B3GNT5: variants seen among roughly 807,000 people sequenced by gnomAD.
B3GNT5 encodes the protein UDP-GlcNAc:betaGal beta-1,3-N-acetylglucosaminyltransferase 5.
In B3GNT5, 11 loss-of-function variants were observed where a neutral mutation model predicts 25.9. That is an observed-to-expected ratio of 0.42 (90% CI 0.27 to 0.70). The LOEUF (loss-of-function observed/expected upper bound fraction) is 0.70, where lower values mean the gene tolerates loss of function less well. Among genes scored for constraint, B3GNT5 ranks in the 30% least tolerant of loss-of-function variants. The probability of loss-of-function intolerance (pLI) is 0.23; values close to 1 mark genes in which losing one functional copy is unlikely to be tolerated. For synonymous variants in B3GNT5, 166 were observed against 158.6 expected (o/e 1.05, Z -0.35); for missense variants, 385 against 458.4 (o/e 0.84, Z 1.46).
rs1726826079 is a variant in B3GNT5 at position 183,272,054 on chromosome 3, G to C, written c.*1119G>C. ...AACAATTTATTTTTCATCAATAACT[G>C]TCAGAGGTGATCTTTATTTTCTAAA... is the stretch of plus-strand genomic sequence containing the variant. On this transcript the variant is annotated 3_prime_UTR_variant, in exon 2 of 2. Transcript: ENST00000326505. The C allele has an allele frequency of 4.9e-6, 3 of 613,838 alleles. No individual in the cohort carries two copies. The South Asian group carries it at 2.2e-4, about 46-fold the overall frequency. 38.0% of individuals were successfully genotyped at this position (613,838 alleles called of 1,614,324 possible).
chr3:183,271,976 CAAGTTCAGAGTTTT>C lies in B3GNT5; in HGVS notation c.*1044_*1057del. 1 of 260,548 alleles carries C rather than the reference CAAGTTCAGAGTTTT, an allele frequency of 3.8e-6. No homozygotes were observed. Among genetic ancestry groups the C allele is most frequent in the African/African-American group, 2.3e-5 (1 of 43,292 alleles). The allele number at this position is 260,548 out of a possible 1,614,324, so 16.1% of individuals were successfully genotyped here. A position where few individuals can be genotyped will look rare whatever the true frequency, so the allele number is the denominator to read the frequency against. The stretch of plus-strand genomic sequence containing the variant: ...TCTTATAAACCACAGCACTTTGTTC[CAAGTTCAGAGTTTT>C]AAATTGAGAGCATTAAACATCAAAG... On this transcript the variant is annotated 3_prime_UTR_variant, in exon 2 of 2. Transcript: ENST00000326505.
chr3:183,265,768 G>A (rs1726056436), intron 1 of B3GNT5, among the ~76,000 whole-genome samples: 1 of 152,152 alleles, frequency 6.6e-6, no homozygotes, highest in East Asian at 1.9e-4. Flanking sequence ...AAGTATTGAG[G>A]AGTTTTACCT....
chr3:183,254,133 A>G (rs1400838052), intron 1 of B3GNT5: 1 of 151,500 alleles, frequency 6.6e-6, no homozygotes, highest in Non-Finnish European at 1.5e-5. Flanking sequence ...GGAGGCTCCG[A>G]GTCTGCCCAC....
In B3GNT5 at chr3:183,267,417, A is replaced by G. The variant is rs1421637078; in HGVS notation, c.-301-2081A>G. 6.6e-6 allele frequency among the ~76,000 whole-genome samples: 1 copy of G among 152,198 alleles called. No homozygotes were observed. Among genetic ancestry groups the G allele is most frequent in the Non-Finnish European group, 1.5e-5 (1 of 68,036 alleles). On this transcript the variant is annotated intron_variant, in intron 1 of 1. Transcript: ENST00000326505. This position sits in a 1 kb window ranked among gnomAD's most constrained non-coding sequence, Gnocchi z 5.5. The stretch of plus-strand genomic sequence containing the variant: ...TGTGGAGTGATCATGGGGGTGGGAA[A>G]TATAGCTGGATCCGAAAGCTCTGAA...
chr3:183,272,446 T>C lies in B3GNT5; in HGVS notation c.*1511T>C. On this transcript the variant is annotated 3_prime_UTR_variant, in exon 2 of 2. Coordinates refer to ENST00000326505, the MANE Select transcript of B3GNT5 (RefSeq NM_032047.5). ...ACACGCAAAACAAAACGAAAAAAGA[T>C]TTCTCAGTATACACAACTGAATGAT... 1.0e-6 allele frequency: 1 copy of C among 1,000,154 alleles called. No homozygotes were observed. The highest frequency in any genetic ancestry group is 1.2e-6 in the Non-Finnish European group (1 of 829,984). The allele number at this position is 1,000,154 out of a possible 1,614,324, so 62.0% of individuals were successfully genotyped here.
intron 1 of B3GNT5, among the ~76,000 whole-genome samples, chr3:183,255,863 G>A (rs1468293057): frequency 6.6e-6 from 1 of 151,690 alleles, no homozygotes; most frequent in East Asian, 1.9e-4. Flanking sequence ...AGAACAGCTT[G>A]AATAATAACT....
Position 183,272,585 on chromosome 3 carries a change from T to C in B3GNT5, c.*1650T>C. On this transcript the variant is annotated 3_prime_UTR_variant, in exon 2 of 2. Transcript: ENST00000326505. ...GCTTAGATAATTTAGAATTTTTAAC[T>C]AATGTCAAAACTACAGTGTCAAACA... The C allele has an allele frequency of 1.0e-6, 1 of 992,752 alleles. No individual in the cohort carries two copies. The highest frequency in any genetic ancestry group is 4.7e-5 in the South Asian group (1 of 21,136). 61.5% of individuals were successfully genotyped at this position (992,752 alleles called of 1,614,324 possible). A position where few individuals can be genotyped will look rare whatever the true frequency, so the allele number is the denominator to read the frequency against.
In B3GNT5 at chr3:183,267,274, C is replaced by G. The variant is rs1726242672; in HGVS notation, c.-301-2224C>G. Reference sequence around the variant, plus strand: ...TGCGTGCAGTTTTCAAATCAATGCCCTTGGCGATAAAGTGTGCCCTATACT... The same window carrying G: ...TGCGTGCAGTTTTCAAATCAATGCCGTTGGCGATAAAGTGTGCCCTATACT... On this transcript the variant is annotated intron_variant, in intron 1 of 1. Coordinates refer to ENST00000326505, the MANE Select transcript of B3GNT5 (RefSeq NM_032047.5). The surrounding 1 kb of genome is among the most constrained non-coding windows in gnomAD (Gnocchi z 5.5). 6.6e-6 allele frequency among the ~76,000 whole-genome samples: 1 copy of G among 152,202 alleles called. No homozygotes were observed. Among genetic ancestry groups the G allele is most frequent in the Non-Finnish European group, 1.5e-5 (1 of 68,034 alleles).
At chr3:183,262,760 C>T (rs1725738151) in intron 1 of B3GNT5, among the ~76,000 whole-genome samples, 1 of 151,920 alleles carries the variant, frequency 6.6e-6, no homozygotes, top group African/African-American at 2.4e-5. Flanking sequence ...AGCATGGCCG[C>T]TGAAGAGACT....
In B3GNT5 at chr3:183,270,509, C is replaced by G; in HGVS notation, c.711C>G (p.Tyr237Ter). Residue 237 changes from tyrosine to a stop codon, truncating the protein, a stop_gained, in exon 2 of 2, where the codon TAC becomes TAG. Coordinates refer to ENST00000326505, the MANE Select transcript of B3GNT5 (RefSeq NM_032047.5). LOFTEE classifies it high-confidence loss of function. The surrounding 1 kb of genome is among the most constrained non-coding windows in gnomAD (Gnocchi z 4.5). ...APPIRDKSSK[Y>*]YVSYEMYQWP... ...CCATTAGAGATAAAAGCAGCAAATA[C>G]TACGTGTCCTATGAAATGTACCAGT... 1 of 1,614,164 alleles carries G rather than the reference C, an allele frequency of 6.2e-7. No homozygotes were observed. The highest frequency in any genetic ancestry group is 8.5e-7 in the Non-Finnish European group (1 of 1,180,016).
chr3:183,272,378 T>C lies in B3GNT5; in HGVS notation c.*1443T>C. On this transcript the variant is annotated 3_prime_UTR_variant, in exon 2 of 2. Transcript: ENST00000326505. ...AGGCCTTTGACTGCAGAGGCACCTG[T>C]TAGGGAAAATCAGATGTCTCATATA... 1.0e-6 allele frequency: 1 copy of C among 1,000,244 alleles called. No homozygotes were observed. Among genetic ancestry groups the C allele is most frequent in the East Asian group, 1.1e-4 (1 of 8,822 alleles). The allele number at this position is 1,000,244 out of a possible 1,614,324, so 62.0% of individuals were successfully genotyped here. A position where few individuals can be genotyped will look rare whatever the true frequency, so the allele number is the denominator to read the frequency against.
chr3:183,262,187 ACAC>A (rs1725665660), intron 1 of B3GNT5, among the ~76,000 whole-genome samples: 1 of 150,788 alleles, frequency 6.6e-6, no homozygotes, highest in African/African-American at 2.5e-5. Flanking sequence ...TTTATTATAT[ACAC>A]TAAGGGTTAG....
chr3:183,268,483 C>G (rs1403522450), intron 1 of B3GNT5, among the ~76,000 whole-genome samples: 1 of 150,830 alleles, frequency 6.6e-6, no homozygotes, highest in Non-Finnish European at 1.5e-5. Flanking sequence ...CAGGATTAAA[C>G]ATTTAAATAA....
chr3:183,267,478 A>G lies in B3GNT5; in HGVS notation c.-301-2020A>G, dbSNP rs1726265731. The stretch of plus-strand genomic sequence containing the variant: ...AGGTGTCACAGCTGAGGCTAGGCCC[A>G]TTCTGCAGGGCACTCAGTGTGTACA... On this transcript the variant is annotated intron_variant, in intron 1 of 1. Transcript: ENST00000326505. The surrounding 1 kb of genome is among the most constrained non-coding windows in gnomAD (Gnocchi z 5.5). 6.6e-6 allele frequency among the ~76,000 whole-genome samples: 1 copy of G among 152,226 alleles called. No individual in the cohort carries two copies. Among genetic ancestry groups the G allele is most frequent in the South Asian group, 2.1e-4 (1 of 4,828 alleles).
intron 1 of B3GNT5, among the ~76,000 whole-genome samples, chr3:183,256,013 G>GT (rs1217754786): frequency 2.0e-5 from 3 of 152,164 alleles, no homozygotes; most frequent in Non-Finnish European, 4.4e-5. Context: ...AACACAGGAG[G>GT]TATCAGGAAG....
chr3:183,267,878 G>A lies in B3GNT5; in HGVS notation c.-301-1620G>A, dbSNP rs1402468994. Among the ~76,000 whole-genome samples the A allele has an allele frequency of 1.3e-5, 2 of 152,170 alleles. No individual in the cohort carries two copies. The highest frequency in any genetic ancestry group is 2.4e-5 in the African/African-American group (1 of 41,436). ...CAGTAACCATCACTTTGAGTAAACA[G>A]TGGCTCCACCCCCGGCATGGTTCTT... On this transcript the variant is annotated intron_variant, in intron 1 of 1. Coordinates refer to ENST00000326505, the MANE Select transcript of B3GNT5 (RefSeq NM_032047.5). The surrounding 1 kb of genome is among the most constrained non-coding windows in gnomAD (Gnocchi z 5.5).
At position 183,270,695 on chromosome 3, in the gene B3GNT5, C is replaced by T. The variant is rs1323258276; in HGVS notation, c.897C>T (p.Asp299=). 1.2e-6 allele frequency: 2 copies of T among 1,613,836 alleles called. No individual in the cohort carries two copies. Among genetic ancestry groups the T allele is most frequent in the Admixed American group, 3.3e-5 (2 of 59,970 alleles). ...CANKIGIVPQ[D]HVFFSGEGKT... ...ATAAAATAGGGATAGTACCGCAGGA[C>T]CATGTGTTTTTTTCTGGAGAGGGTA... The change falls in exon 2 of 2, where the codon GAC becomes GAT. Residue 299 remains aspartate, a synonymous_variant. Transcript: ENST00000326505. This position sits in a 1 kb window ranked among gnomAD's most constrained non-coding sequence, Gnocchi z 4.5.
chr3:183,254,986 C>A (rs1184047491), intron 1 of B3GNT5, among the ~76,000 whole-genome samples: 1 of 152,160 alleles, frequency 6.6e-6, no homozygotes, highest in Non-Finnish European at 1.5e-5. Context: ...CATTCTTGGC[C>A]GGTGTTGGTT....
At chr3:183,268,077 G>A (rs1726333129) in intron 1 of B3GNT5, among the ~76,000 whole-genome samples, 1 of 152,198 alleles carries the variant, frequency 6.6e-6, no homozygotes, top group Non-Finnish European at 1.5e-5. Flanking sequence ...CCCAATTCAG[G>A]CTTCCCAGAG....
Sources: allele counts gnomAD v4.1 joint callset (sites outside exome capture counted in the v4.1 genomes callset), GRCh38; gene constraint gnomAD v4.1.1; non-coding constraint Gnocchi (gnomAD v3.1); transcripts MANE v1.5; gene names NCBI Gene and HGNC (gene_info 2026-07-23, HGNC 2026-07-21).